The following KDM7A variants were observed in gnomAD, a reference collection of about 807,000 sequenced individuals.
KDM7A encodes the protein lysine demethylase 7A.
A neutral mutation model predicts 114.8 loss-of-function variants in KDM7A; 28 were observed. The ratio of observed to expected loss-of-function variants is 0.24; its 90% CI spans 0.18 to 0.33. The LOEUF (loss-of-function observed/expected upper bound fraction) is 0.33. KDM7A is among the 10% of genes least tolerant of loss of function. The probability of loss-of-function intolerance (pLI) is 1.00; values close to 1 mark genes in which losing one functional copy is unlikely to be tolerated. For synonymous variants in KDM7A, 423 were observed against 397.8 expected (o/e 1.06, Z -0.75); for missense variants, 942 against 1,142.5 (o/e 0.82, Z 2.53).
intron 1 of KDM7A, among the ~76,000 whole-genome samples, chr7:140,148,288 ATC>A (rs574811802): frequency 1.7e-4 from 26 of 151,772 alleles, no homozygotes; most frequent in African/African-American, 4.6e-4. Context: ...GTTGAGAAAA[ATC>A]TCTCTCTCTC....
chr7:140,111,733 C>G (rs1407981879), intron 10 of KDM7A, among the ~76,000 whole-genome samples: 1 of 152,176 alleles, frequency 6.6e-6, no homozygotes, highest in African/African-American at 2.4e-5. Context: ...CCAAGGCTGG[C>G]AGATCACCTG....
chr7:140,119,008 C>T, intron 9 of KDM7A, 105 bp downstream of exon 9: 1 of 621,688 alleles, frequency 1.6e-6, no homozygotes, highest in Non-Finnish European at 2.8e-6. Flanking sequence ...ATAGGAGTGA[C>T]ATCCATACAC....
intron 1 of KDM7A, among the ~76,000 whole-genome samples, chr7:140,171,418 G>A (rs537258175): frequency 4.0e-5 from 6 of 150,512 alleles, no homozygotes; most frequent in South Asian, 2.1e-4. Flanking sequence ...GCAGTGAGCC[G>A]AGATTGCGCC....
intron 1 of KDM7A, among the ~76,000 whole-genome samples, chr7:140,145,986 A>G (rs1473598362): frequency 6.6e-6 from 1 of 152,222 alleles, no homozygotes; most frequent in Non-Finnish European, 1.5e-5. Flanking sequence ...TCAATGATGT[A>G]TGAGTTCCTC....
intron 1 of KDM7A, among the ~76,000 whole-genome samples, chr7:140,165,055 G>A (rs1332595110): frequency 6.6e-6 from 1 of 152,132 alleles, no homozygotes; most frequent in Admixed American, 6.5e-5. Flanking sequence ...GATTTTGAAA[G>A]GAAAATACTC....
intron 1 of KDM7A, among the ~76,000 whole-genome samples, chr7:140,160,012 C>T (rs1433106650): frequency 6.6e-6 from 1 of 150,432 alleles, no homozygotes; most frequent in Non-Finnish European, 1.5e-5. Flanking sequence ...CATCATTACC[C>T]TTCTGACAAT....
chr7:140,105,645 A>C (rs1380620817), intron 11 of KDM7A, among the ~76,000 whole-genome samples: 1 of 152,180 alleles, frequency 6.6e-6, no homozygotes, highest in Non-Finnish European at 1.5e-5. Flanking sequence ...AGCTGACTTG[A>C]TCGTGGTGGA....
intron 19 of KDM7A, among the ~76,000 whole-genome samples, chr7:140,091,405 T>G (rs1342469665): frequency 1.3e-5 from 2 of 152,230 alleles, no homozygotes; most frequent in African/African-American, 2.4e-5. Flanking sequence ...CTGGTCTGCC[T>G]GCTCTTCAGC....
At chr7:140,103,195 G>A (rs1021267792) in intron 11 of KDM7A, among the ~76,000 whole-genome samples, 1 of 151,978 alleles carries the variant, frequency 6.6e-6, no homozygotes, top group Admixed American at 6.6e-5. Flanking sequence ...GACACTTCTA[G>A]GAACCTCATA....
intron 6 of KDM7A, among the ~76,000 whole-genome samples, chr7:140,125,473 T>C (rs1026610534): frequency 1.3e-5 from 2 of 152,268 alleles, no homozygotes; most frequent in African/African-American, 4.8e-5. Flanking sequence ...TCCATTTTAA[T>C]TATTTAAATT....
At chr7:140,151,972 T>C (rs1228423272) in intron 1 of KDM7A, among the ~76,000 whole-genome samples, 1 of 152,142 alleles carries the variant, frequency 6.6e-6, no homozygotes, top group Non-Finnish European at 1.5e-5. Context: ...CAAAAACATA[T>C]ATCTAGGACA....
chr7:140,094,990 G>C (rs1043250699), intron 17 of KDM7A, among the ~76,000 whole-genome samples: 1 of 152,204 alleles, frequency 6.6e-6, no homozygotes, highest in Non-Finnish European at 1.5e-5. Flanking sequence ...TAGGATTACA[G>C]GCATGCGCCA....
At chr7:140,102,288 A>G (rs189669827) in intron 11 of KDM7A, 128 bp from the exon 12 acceptor site, 2 of 683,744 alleles carry the variant, frequency 2.9e-6, no homozygotes, top group Admixed American at 5.4e-5. Context: ...CACAAAAAAG[A>G]CTAAATCCTA....
intron 2 of KDM7A, among the ~76,000 whole-genome samples, chr7:140,134,823 G>A (rs1358484747): frequency 6.6e-6 from 1 of 151,628 alleles, no homozygotes; most frequent in African/African-American, 2.4e-5. Context: ...TATGTTTTGG[G>A]GAAAACAACT....
intron 2 of KDM7A, among the ~76,000 whole-genome samples, chr7:140,135,026 G>GT (rs1294579116): frequency 5.5e-5 from 7 of 127,006 alleles, no homozygotes; most frequent in South Asian, 2.5e-4. Flanking sequence ...ATGGAAGAGC[G>GT]TAAGTCCCAT....
chr7:140,175,364 G>T (rs1313713125), intron 1 of KDM7A, among the ~76,000 whole-genome samples: 2 of 152,068 alleles, frequency 1.3e-5, no homozygotes, highest in Non-Finnish European at 2.9e-5. Flanking sequence ...CTGTAAAATT[G>T]GGGAGGGGGG....
chr7:140,127,428 C>G lies in KDM7A; in HGVS notation c.701+14G>C, dbSNP rs200346176. ...CACTCAGAATGCTAAACCAAAATACCCAGAACTACTCACTTTGTATCTGAA... is the reference window on the plus strand; with the variant it reads ...CACTCAGAATGCTAAACCAAAATACGCAGAACTACTCACTTTGTATCTGAA... On this transcript the variant is annotated intron_variant, in intron 5 of 19. Coordinates refer to ENST00000397560, the MANE Select transcript of KDM7A (RefSeq NM_030647.2). The G allele has an allele frequency of 4.4e-6, 7 of 1,608,296 alleles. No individual in the cohort carries two copies. The highest frequency in any genetic ancestry group is 5.9e-6 in the Non-Finnish European group (7 of 1,177,248).
chr7:140,121,435 T>A (rs1308923652), intron 7 of KDM7A, among the ~76,000 whole-genome samples: 1 of 152,218 alleles, frequency 6.6e-6, no homozygotes. Context: ...CTCAAAGGAC[T>A]CACTTTCAAG....
chr7:140,137,318 A>T (rs545695178), intron 2 of KDM7A, among the ~76,000 whole-genome samples: 1 of 152,340 alleles, frequency 6.6e-6, no homozygotes, highest in East Asian at 1.9e-4. Context: ...CATGTTTTTT[A>T]AAAAATTAAA....
Sources: gnomAD v4.1 joint callset for allele counts (sites outside exome capture counted in the v4.1 genomes callset) on GRCh38, gnomAD v4.1.1 for gene constraint, MANE v1.5 for transcripts, NCBI Gene and HGNC (gene_info 2026-07-23, HGNC 2026-07-21) for gene names.